ANO10: variants seen among roughly 807,000 people sequenced by gnomAD.
ANO10 encodes the protein anoctamin-10.
Under a neutral mutation model 74.7 loss-of-function variants are expected in ANO10, and 77 were observed. The ratio of observed to expected loss-of-function variants is 1.03; its 90% CI spans 0.86 to 1.25. ANO10 has a LOEUF of 1.25. Ranked by LOEUF, ANO10 falls within the 50% of genes most tolerant of loss-of-function variation. ANO10 has a pLI of 0.00. For missense variants in ANO10, 721 were observed against 778.1 expected (o/e 0.93, Z 0.87); for synonymous variants, 279 against 284.9 (o/e 0.98, Z 0.21).
intron 12 of ANO10, among the ~76,000 whole-genome samples, chr3:43,398,177 G>C (rs2092416561): frequency 6.6e-6 from 1 of 152,190 alleles, no homozygotes; most frequent in Admixed American, 6.5e-5. Flanking sequence ...GGGTTGTTTA[G>C]AACAAATAAC....
At chr3:43,407,977 T>C (rs2092605071) in intron 12 of ANO10, among the ~76,000 whole-genome samples, 1 of 152,104 alleles carries the variant, frequency 6.6e-6, no homozygotes, top group Non-Finnish European at 1.5e-5. Context: ...GACCATAACA[T>C]TGAGTCATAT....
At chr3:43,670,680 T>C (rs2084047654) in intron 1 of ANO10, among the ~76,000 whole-genome samples, 1 of 152,184 alleles carries the variant, frequency 6.6e-6, no homozygotes, top group Non-Finnish European at 1.5e-5. Context: ...GATGGGCTGG[T>C]TGACAATGGA....
intron 5 of ANO10, 101 bp downstream of exon 5, chr3:43,580,252 G>T: frequency 6.7e-7 from 1 of 1,492,238 alleles, no homozygotes; most frequent in Non-Finnish European, 9.3e-7. Flanking sequence ...CTGCCCAGTA[G>T]AGCACTAAAT....
chr3:43,375,833 G>A (rs1289014179), intron 12 of ANO10, among the ~76,000 whole-genome samples: 2 of 152,258 alleles, frequency 1.3e-5, no homozygotes, highest in Admixed American at 1.3e-4. Flanking sequence ...GCTCCTTGGG[G>A]GATGAATTTA....
intron 11 of ANO10, among the ~76,000 whole-genome samples, chr3:43,515,001 CT>C (rs2149194831): frequency 6.6e-6 from 1 of 152,278 alleles, no homozygotes; most frequent in Admixed American, 6.5e-5. Flanking sequence ...TCAATTCCAT[CT>C]TCAGGAACTA....
chr3:43,568,281 C>G (rs538002155), intron 7 of ANO10, among the ~76,000 whole-genome samples: 1 of 152,086 alleles, frequency 6.6e-6, no homozygotes, highest in East Asian at 1.9e-4. Context: ...ATCAACGAGA[C>G]AGAAAGTCAA....
At chr3:43,533,357 G>A (rs2078558776) in intron 11 of ANO10, among the ~76,000 whole-genome samples, 1 of 151,968 alleles carries the variant, frequency 6.6e-6, no homozygotes, top group Admixed American at 6.6e-5. Flanking sequence ...GAATTTGTAG[G>A]CCAAAAAGTA....
At chr3:43,583,413 G>C (rs2081345919) in intron 4 of ANO10, among the ~76,000 whole-genome samples, 2 of 152,104 alleles carry the variant, frequency 1.3e-5, no homozygotes, top group South Asian at 2.1e-4. Context: ...AAGTACTGGG[G>C]ATATGGCTGT....
intron 1 of ANO10, among the ~76,000 whole-genome samples, chr3:43,679,529 A>T (rs1482296489): frequency 1.3e-5 from 2 of 152,204 alleles, no homozygotes; most frequent in Non-Finnish European, 2.9e-5. Flanking sequence ...GCATAGCCAA[A>T]CAAAAGGCAG....
At chr3:43,400,350 C>A (rs147898404) in intron 12 of ANO10, among the ~76,000 whole-genome samples, 143 of 151,864 alleles carry the variant, frequency 9.4e-4, no homozygotes, top group African/African-American at 3.4e-3. Flanking sequence ...CTAGACAAAT[C>A]AGCAGGCCAT....
intron 1 of ANO10, chr3:43,638,526 A>G (rs2083636438): frequency 6.6e-6 from 1 of 152,160 alleles, no homozygotes; most frequent in African/African-American, 2.4e-5. Context: ...TCTTTTTTCT[A>G]CCTATTTGTG....
chr3:43,476,137 AT>A (rs1430427846), intron 11 of ANO10, among the ~76,000 whole-genome samples: 1 of 151,966 alleles, frequency 6.6e-6, no homozygotes, highest in Non-Finnish European at 1.5e-5. Flanking sequence ...GTTTTACAGT[AT>A]TTTTTTCTGG....
At chr3:43,390,652 G>A (rs944800779) in intron 12 of ANO10, among the ~76,000 whole-genome samples, 1 of 152,176 alleles carries the variant, frequency 6.6e-6, no homozygotes, top group Non-Finnish European at 1.5e-5. Context: ...TCTGAGATGT[G>A]GCACAAAATT....
intron 12 of ANO10, among the ~76,000 whole-genome samples, chr3:43,421,515 C>T (rs931990045): frequency 2.0e-5 from 3 of 150,338 alleles, no homozygotes; most frequent in African/African-American, 7.3e-5. Flanking sequence ...AAGTGACATC[C>T]TGTCTCAAAA....
At chr3:43,551,736 A>G (rs376166710) in intron 10 of ANO10, 11 of 323,764 alleles carry the variant, frequency 3.4e-5, no homozygotes, top group African/African-American at 2.4e-4. Context: ...TTTATCTGAT[A>G]CTAATATAGT....
chr3:43,395,274 T>C (rs1326484832), intron 12 of ANO10, among the ~76,000 whole-genome samples: 1 of 152,248 alleles, frequency 6.6e-6, no homozygotes, highest in Non-Finnish European at 1.5e-5. Context: ...GCAGAAGTTT[T>C]AAATTTTGAT....
rs541523836 is a variant in ANO10, at chr3:43,601,786, G to A, written c.140-1205C>T. Among the ~76,000 whole-genome samples, 54 of 152,282 alleles carry A rather than the reference G, an allele frequency of 3.5e-4. 2 individuals carry two copies. The South Asian group carries it at 0.01, about 29-fold the overall frequency. ...AATGTAAAAACTATACCAATATGCT[G>A]TTTCTCACTTCTCACACTGCAAAGA... On this transcript the variant is annotated intron_variant, in intron 2 of 12. Coordinates refer to ENST00000292246, the MANE Select transcript of ANO10 (RefSeq NM_018075.5).
intron 12 of ANO10, chr3:43,372,652 G>T: frequency 1.9e-6 from 1 of 539,166 alleles, no homozygotes; most frequent in Non-Finnish European, 3.4e-6. Context: ...TATTTCAATT[G>T]CTGCACTCCT....
At chr3:43,624,729 T>C (rs1170750220), upstream of ANO10, among the ~76,000 whole-genome samples, 4 of 152,168 alleles carry the variant, frequency 2.6e-5, no homozygotes, top group East Asian at 5.8e-4. Context: ...AATGGACTAA[T>C]ACAAGGACCT....
Sources: gnomAD v4.1 joint callset for allele counts (sites outside exome capture counted in the v4.1 genomes callset) on GRCh38, gnomAD v4.1.1 for gene constraint, MANE v1.5 for transcripts, NCBI Gene and HGNC (gene_info 2026-07-23, HGNC 2026-07-21) for gene names.